Variants in MYRIP observed in about 807,000 individuals in gnomAD.
The protein encoded by MYRIP is rab effector MyRIP.
Under a neutral mutation model 98.0 loss-of-function variants are expected in MYRIP, and 49 were observed. That is an observed-to-expected ratio of 0.50 (90% CI 0.40 to 0.63). MYRIP has a LOEUF of 0.63. Among genes scored for constraint, MYRIP ranks in the 30% least tolerant of loss-of-function variants. The pLI is 0.00. For missense variants in MYRIP, 1,004 were observed against 1,058.2 expected (o/e 0.95, Z 0.71); for synonymous variants, 404 against 409.5 (o/e 0.99, Z 0.16).
intron 3 of MYRIP, among the ~76,000 whole-genome samples, chr3:40,056,526 G>T (rs1947888689): frequency 6.6e-6 from 1 of 152,108 alleles, no homozygotes; most frequent in African/African-American, 2.4e-5. Context: ...TTTCCCAGCT[G>T]CTGTAGGGGC....
At chr3:39,809,023 CGTA>C (rs1405737577), upstream of MYRIP, 1 of 152,114 alleles carries the variant, frequency 6.6e-6, no homozygotes, top group East Asian at 1.9e-4. Flanking sequence ...GCGTCGTTAG[CGTA>C]GTAGTAAATT....
chr3:40,003,440 T>C (rs1041716207), intron 2 of MYRIP, among the ~76,000 whole-genome samples: 1 of 152,152 alleles, frequency 6.6e-6, no homozygotes, highest in African/African-American at 2.4e-5. Context: ...TCTTGTGAAA[T>C]AGGATTTCAC....
At chr3:40,141,474 T>A (rs2125561818) in intron 3 of MYRIP, among the ~76,000 whole-genome samples, 1 of 152,364 alleles carries the variant, frequency 6.6e-6, no homozygotes, top group Middle Eastern at 3.4e-3. Flanking sequence ...TTATTTTTGC[T>A]TTTGTTGCCT....
In MYRIP at chr3:40,259,614, T is replaced by C. The variant is rs969202720; in HGVS notation, c.*1448T>C. ...TGTTGTTTTCAACCTCTACGTTATTTTGCTGCTATGTGCATTTCCAGATCT... is the reference window on the plus strand; with the variant it reads ...TGTTGTTTTCAACCTCTACGTTATTCTGCTGCTATGTGCATTTCCAGATCT... On this transcript the variant is annotated 3_prime_UTR_variant, in exon 17 of 17. Coordinates refer to ENST00000302541, the MANE Select transcript of MYRIP (RefSeq NM_015460.4). The C allele has an allele frequency of 6.6e-6, 1 of 152,238 alleles. No individual in the cohort carries two copies. Among genetic ancestry groups the C allele is most frequent in the Non-Finnish European group, 1.5e-5 (1 of 68,036 alleles). 9.4% of individuals were successfully genotyped at this position (152,238 alleles called of 1,614,324 possible).
intron 3 of MYRIP, among the ~76,000 whole-genome samples, chr3:40,050,064 G>A (rs996357381): frequency 1.4e-4 from 21 of 152,162 alleles, no homozygotes; most frequent in African/African-American, 4.8e-4. Flanking sequence ...AAAGTGCAAG[G>A]TGAAGCAGCA....
intron 11 of MYRIP, among the ~76,000 whole-genome samples, chr3:40,224,584 G>C (rs879393401): frequency 2.0e-5 from 3 of 152,056 alleles, no homozygotes; most frequent in Non-Finnish European, 4.4e-5. Context: ...ACAATACTAG[G>C]TACCATCAAA....
At chr3:39,959,361 A>G (rs1230003719) in intron 2 of MYRIP, among the ~76,000 whole-genome samples, 1 of 152,202 alleles carries the variant, frequency 6.6e-6, no homozygotes, top group Non-Finnish European at 1.5e-5. Context: ...GGATGAGTTC[A>G]TGTCCTTTGT....
chr3:39,954,037 G>A (rs540180826), intron 2 of MYRIP, among the ~76,000 whole-genome samples: 20 of 152,266 alleles, frequency 1.3e-4, no homozygotes, highest in African/African-American at 2.6e-4. Flanking sequence ...GGAGCCCACC[G>A]CAGCTCAGGG....
intron 2 of MYRIP, among the ~76,000 whole-genome samples, chr3:40,002,940 A>G (rs527708307): frequency 3.3e-5 from 5 of 152,074 alleles, no homozygotes; most frequent in South Asian, 2.1e-4. Context: ...ATAGATATCT[A>G]TAGCTATATG....
At chr3:39,842,497 C>T (rs1191566918) in intron 1 of MYRIP, among the ~76,000 whole-genome samples, 1 of 152,126 alleles carries the variant, frequency 6.6e-6, no homozygotes, top group Non-Finnish European at 1.5e-5. Flanking sequence ...TTTCAGGTGC[C>T]ACTGGGGTAT....
chr3:40,250,172 T>TC, intron 13 of MYRIP, 50 bp from the exon 14 acceptor site: 3 of 1,417,896 alleles, frequency 2.1e-6, no homozygotes, highest in Non-Finnish European at 3.0e-6. Context: ...AGAAATATTT[T>TC]CCCCTTCCGT....
chr3:40,003,781 C>A (rs1054870361), intron 2 of MYRIP, among the ~76,000 whole-genome samples: 4 of 152,080 alleles, frequency 2.6e-5, no homozygotes, highest in Admixed American at 6.5e-5. Context: ...CTTTTGTTTC[C>A]GAAAAGCTTA....
rs531948580 is a variant in MYRIP at position 39,963,143 on chromosome 3, G to A, written c.110+62217G>A. On this transcript the variant is annotated intron_variant, in intron 2 of 16. Coordinates refer to ENST00000302541, the MANE Select transcript of MYRIP (RefSeq NM_015460.4). ...TTTGGATCCGGTATCAGCACTTTCCGGGTGACCCAGTACCAGGGTATATGG... is the reference window on the plus strand; with the variant it reads ...TTTGGATCCGGTATCAGCACTTTCCAGGTGACCCAGTACCAGGGTATATGG... Among the ~76,000 whole-genome samples, 167 of 152,182 alleles carry A rather than the reference G, an allele frequency of 1.1e-3. 1 individual carries two copies. The highest frequency in any genetic ancestry group is 3.7e-3 in the African/African-American group (152 of 41,532).
intron 11 of MYRIP, among the ~76,000 whole-genome samples, chr3:40,220,490 T>G (rs1397028229): frequency 1.3e-5 from 2 of 152,196 alleles, no homozygotes; most frequent in East Asian, 3.8e-4. Flanking sequence ...AAGTCTTTAA[T>G]CCATATGACT....
chr3:39,932,393 C>T (rs1279932016), intron 2 of MYRIP, among the ~76,000 whole-genome samples: 2 of 151,940 alleles, frequency 1.3e-5, no homozygotes, highest in Non-Finnish European at 2.9e-5. Flanking sequence ...CGGAGTCTCA[C>T]TCTGTTGCCC....
chr3:39,965,533 C>T (rs1030566949), intron 2 of MYRIP, among the ~76,000 whole-genome samples: 2 of 152,006 alleles, frequency 1.3e-5, no homozygotes, highest in Admixed American at 1.3e-4. Context: ...TGGTCAGGGT[C>T]AGTTAGAGAA....
intron 3 of MYRIP, among the ~76,000 whole-genome samples, chr3:40,103,301 C>A (rs1466797831): frequency 6.6e-6 from 1 of 152,222 alleles, no homozygotes; most frequent in African/African-American, 2.4e-5. Flanking sequence ...TGCCTAGGCA[C>A]CCTTGCCCCA....
rs9840733 is a variant in MYRIP at position 40,140,651 on chromosome 3, A to C, written c.333-10397A>C. ...TATTTTTTTGTTTTTTTGATAATAG[A>C]CATGCTAATTGGGGTGAGATAATAC... On this transcript the variant is annotated intron_variant, in intron 3 of 16. Coordinates refer to ENST00000302541, the MANE Select transcript of MYRIP (RefSeq NM_015460.4). 9.7e-3 allele frequency among the ~76,000 whole-genome samples: 1,478 copies of C among 152,232 alleles called. 29 individuals are homozygous for C. Among genetic ancestry groups the C allele is most frequent in the African/African-American group, 0.031 (1,289 of 41,524 alleles).
intron 3 of MYRIP, among the ~76,000 whole-genome samples, chr3:40,105,501 G>A (rs929797891): frequency 2.7e-4 from 41 of 152,202 alleles, no homozygotes; most frequent in African/African-American, 7.7e-4. Context: ...TGGAGCAGGC[G>A]TCTCACTGGC....
Sources: allele counts gnomAD v4.1 joint callset (sites outside exome capture counted in the v4.1 genomes callset), GRCh38; gene constraint gnomAD v4.1.1; transcripts MANE v1.5; gene names NCBI Gene and HGNC (gene_info 2026-07-23, HGNC 2026-07-21).